The following PCSK2 variants were observed in gnomAD, a reference collection of about 807,000 sequenced individuals.
The protein encoded by PCSK2 is neuroendocrine convertase 2.
In PCSK2, 14 loss-of-function variants were observed where a neutral mutation model predicts 69.7. That is an observed-to-expected ratio of 0.20 (90% CI 0.13 to 0.31). The LOEUF (loss-of-function observed/expected upper bound fraction) is 0.31. Ranked by LOEUF, PCSK2 falls within the 10% of genes least tolerant of loss-of-function variation. The pLI is 1.00. For missense variants in PCSK2, 544 were observed against 842.5 expected (o/e 0.65, Z 4.39); for synonymous variants, 307 against 320.7 (o/e 0.96, Z 0.46).
intron 10 of PCSK2, among the ~76,000 whole-genome samples, chr20:17,461,849 A>T (rs904665274): frequency 1.3e-5 from 2 of 152,166 alleles, no homozygotes; most frequent in African/African-American, 4.8e-5. Context: ...TACCCCATTT[A>T]CCCTGATGTG....
At chr20:17,457,091 G>A (rs1188481983) in intron 10 of PCSK2, among the ~76,000 whole-genome samples, 5 of 152,180 alleles carry the variant, frequency 3.3e-5, no homozygotes, top group Non-Finnish European at 7.4e-5. Context: ...AGTAGCAGTG[G>A]AGGTACCTGC....
At chr20:17,313,509 T>C (rs1193834757) in intron 2 of PCSK2, among the ~76,000 whole-genome samples, 1 of 151,980 alleles carries the variant, frequency 6.6e-6, no homozygotes, top group Non-Finnish European at 1.5e-5. Flanking sequence ...CTTAAGACCT[T>C]CGAGTGACTC....
chr20:17,421,807 T>TAAAAAAAAAAAAAAAAAAAAAAAA (rs56376793), intron 6 of PCSK2, among the ~76,000 whole-genome samples: 1 of 78,972 alleles, frequency 1.3e-5, no homozygotes, highest in African/African-American at 5.0e-5. Context: ...GGAAGAGAGG[T>TAAAAAAAAAAAAAAAAAAAAAAAA]AAAAAAAAAA....
intron 9 of PCSK2, among the ~76,000 whole-genome samples, chr20:17,454,380 G>T (rs753087716): frequency 6.6e-6 from 1 of 152,082 alleles, no homozygotes; most frequent in Non-Finnish European, 1.5e-5. Context: ...CAACATTCAC[G>T]GATGGACTTT....
chr20:17,353,889 A>G (rs2030102013), intron 2 of PCSK2, among the ~76,000 whole-genome samples: 1 of 152,214 alleles, frequency 6.6e-6, no homozygotes, highest in Admixed American at 6.5e-5. Context: ...AAGCAAATTA[A>G]CACCTGAACA....
At chr20:17,310,640 G>A (rs141604132) in intron 2 of PCSK2, among the ~76,000 whole-genome samples, 24 of 150,320 alleles carry the variant, frequency 1.6e-4, no homozygotes, top group Non-Finnish European at 3.1e-4. Flanking sequence ...TTAGAGAGTA[G>A]GTTTCATTTA....
At chr20:17,348,998 A>C (rs555736554) in intron 2 of PCSK2, among the ~76,000 whole-genome samples, 7 of 152,156 alleles carry the variant, frequency 4.6e-5, no homozygotes, top group African/African-American at 1.7e-4. Context: ...TGGTGTCTTC[A>C]TGCCTTCACT....
chr20:17,419,912 C>A (rs2032085882), intron 6 of PCSK2, among the ~76,000 whole-genome samples: 2 of 152,142 alleles, frequency 1.3e-5, no homozygotes, highest in South Asian at 2.1e-4. Context: ...ATCTATTAAA[C>A]CCTAAACAGT....
In PCSK2 at chr20:17,264,273, G is replaced by A. The variant is rs185229173; in HGVS notation, c.282+3929G>A. Among the ~76,000 whole-genome samples, 7 of 152,202 alleles carry A rather than the reference G, an allele frequency of 4.6e-5. No homozygotes were observed. In the East Asian group the frequency reaches 1.3e-3, roughly 29 times the overall value. Reference sequence around the variant, plus strand: ...ACCTGAACTTCATTTCTTGAGAGAGGTTATATTTGAGAATTAAAAACATTT... The same window carrying A: ...ACCTGAACTTCATTTCTTGAGAGAGATTATATTTGAGAATTAAAAACATTT... On this transcript the variant is annotated intron_variant, in intron 2 of 11. Transcript: ENST00000262545.
At chr20:17,398,146 GAGA>G (rs2031555281) in intron 5 of PCSK2, among the ~76,000 whole-genome samples, 1 of 152,182 alleles carries the variant, frequency 6.6e-6, no homozygotes, top group Admixed American at 6.5e-5. Context: ...GAGAAAGTGA[GAGA>G]AGATTATAAC....
At chr20:17,388,356 C>T (rs889974179) in intron 5 of PCSK2, among the ~76,000 whole-genome samples, 1 of 151,914 alleles carries the variant, frequency 6.6e-6, no homozygotes, top group Non-Finnish European at 1.5e-5. Flanking sequence ...AGAAAGGAGG[C>T]AGGGAGAGCA....
Position 17,358,385 on chromosome 20 carries a change from T to A in PCSK2, c.341T>A (p.Ile114Asn). 1.2e-6 allele frequency: 2 copies of A among 1,613,184 alleles called. No individual in the cohort carries two copies. The highest frequency in any genetic ancestry group is 1.7e-6 in the Non-Finnish European group (2 of 1,179,154). The change falls in exon 3 of 12, where the codon ATC becomes AAC. Residue 114 changes from isoleucine (I) to asparagine (N), a missense_variant. This residue lies in a region of PCSK2 where 157 missense variants were observed against 155.0 expected (regional missense o/e 1.01). Coordinates refer to ENST00000262545, the MANE Select transcript of PCSK2 (RefSeq NM_002594.5). The stretch of plus-strand genomic sequence containing the variant: ...CGAAAAAAGCGAGGTTACAGAGACA[T>A]CAATGAGATCGACATCAACATGAAC... ...FDRKKRGYRD[I>N]NEIDINMNDP...
chr20:17,360,498 A>G, intron 3 of PCSK2, 34 bp from the exon 4 acceptor site: 1 of 1,330,872 alleles, frequency 7.5e-7, no homozygotes, highest in Non-Finnish European at 1.1e-6. Flanking sequence ...ACACCAAACT[A>G]ATACCATTCT....
intron 8 of PCSK2, among the ~76,000 whole-genome samples, chr20:17,448,809 C>G (rs75362732): frequency 6.6e-6 from 1 of 151,818 alleles, no homozygotes; most frequent in African/African-American, 2.4e-5. Flanking sequence ...TTGAGAAACA[C>G]TGTAATCCCA....
chr20:17,479,238 A>G, intron 11 of PCSK2: 1 of 1,267,320 alleles, frequency 7.9e-7, no homozygotes, highest in Admixed American at 1.7e-5. Flanking sequence ...ACATTTCACA[A>G]TACATTTATA....
chr20:17,339,998 G>A (rs762772748), intron 2 of PCSK2, among the ~76,000 whole-genome samples: 10 of 152,142 alleles, frequency 6.6e-5, no homozygotes, highest in Non-Finnish European at 1.5e-4. Context: ...GTTATGTGAC[G>A]CATTCCCCCT....
At chr20:17,419,719 A>G (rs755112731) in intron 6 of PCSK2, among the ~76,000 whole-genome samples, 1 of 152,214 alleles carries the variant, frequency 6.6e-6, no homozygotes, top group African/African-American at 2.4e-5. Flanking sequence ...TTTGTCAATA[A>G]TCTTGCAGCC....
At chr20:17,447,529 ACT>A (rs752323495) in intron 8 of PCSK2, among the ~76,000 whole-genome samples, 28 of 152,242 alleles carry the variant, frequency 1.8e-4, no homozygotes, top group Non-Finnish European at 1.9e-4. Flanking sequence ...GTTCTCATGC[ACT>A]GCTGGTAAAC....
At position 17,459,230 on chromosome 20, in the gene PCSK2, G is replaced by A. The variant is rs575931770; in HGVS notation, c.1202+2782G>A. 3.9e-5 allele frequency among the ~76,000 whole-genome samples: 6 copies of A among 152,276 alleles called. No individual in the cohort carries two copies. In the South Asian group the frequency reaches 1.2e-3, roughly 32 times the overall value. ...AAATCAAGAAACAGACGATTTATGT[G>A]CCCTGTTGCTCAGCAGTGCAAGAGA... is the stretch of plus-strand genomic sequence containing the variant. On this transcript the variant is annotated intron_variant, in intron 10 of 11. Transcript: ENST00000262545.
Sources: gnomAD v4.1 joint callset for allele counts (sites outside exome capture counted in the v4.1 genomes callset) on GRCh38, gnomAD v4.1.1 for gene constraint, gnomAD v4.1.1 regional missense constraint, MANE v1.5 for transcripts, NCBI Gene and HGNC (gene_info 2026-07-23, HGNC 2026-07-21) for gene names.